The following RABGAP1L variants were observed in gnomAD, a reference collection of about 807,000 sequenced individuals.
RABGAP1L encodes rab GTPase-activating protein 1-like.
In RABGAP1L, 63 loss-of-function variants were observed where a neutral mutation model predicts 137.7. The observed-to-expected ratio is 0.46, with a 90% confidence interval of 0.37 to 0.56. The LOEUF (loss-of-function observed/expected upper bound fraction) is 0.56, where lower values mean the gene tolerates loss of function less well. RABGAP1L is among the 20% of genes least tolerant of loss of function. The probability of loss-of-function intolerance (pLI) is 0.00; values close to 1 mark genes in which losing one functional copy is unlikely to be tolerated. For missense variants in RABGAP1L, 1,095 were observed against 1,244.0 expected, an observed-to-expected ratio of 0.88 and a Z score of 1.80; for synonymous variants, 431 against 433.7, an observed-to-expected ratio of 0.99 and a Z score of 0.08.
chr1:174,905,423 A>G (rs1328597170), intron 19 of RABGAP1L, among the ~76,000 whole-genome samples: 1 of 152,218 alleles, frequency 6.6e-6, no homozygotes, highest in Non-Finnish European at 1.5e-5. Context: ...AGATTGAAAT[A>G]ACAAAAAATT....
Position 174,637,388 on chromosome 1 carries a change from A to T in RABGAP1L, c.1724A>T (p.Glu575Val). 1.2e-6 allele frequency: 2 copies of T among 1,610,264 alleles called. No individual in the cohort carries two copies. Among genetic ancestry groups the T allele is most frequent in the South Asian group, 1.1e-5 (1 of 90,996 alleles). ...TTTCTTTTTTAGGACTCAGCCCAGG[A>T]GAGTGTTATTACTCGAGATATTCAT... Reference protein sequence around the residue: ...RILITKDSAQESVITRDIHRT... With the variant: ...RILITKDSAQVSVITRDIHRT... Residue 575 changes from glutamate to valine, a missense_variant, in exon 14 of 26, where the codon GAG becomes GTG. Transcript: ENST00000681986.
chr1:174,532,077 A>C (rs1664456510), intron 13 of RABGAP1L, among the ~76,000 whole-genome samples: 1 of 152,118 alleles, frequency 6.6e-6, no homozygotes, highest in African/African-American at 2.4e-5. Context: ...ATCTAGTATG[A>C]GTAAGAGAGG....
chr1:174,907,215 A>G (rs1349180067), intron 19 of RABGAP1L, among the ~76,000 whole-genome samples: 1 of 152,220 alleles, frequency 6.6e-6, no homozygotes, highest in Non-Finnish European at 1.5e-5. Flanking sequence ...ATATAAAATC[A>G]GACAACTGAA....
chr1:174,475,443 A>G (rs1442585402), intron 13 of RABGAP1L, among the ~76,000 whole-genome samples: 1 of 152,012 alleles, frequency 6.6e-6, no homozygotes, highest in Admixed American at 6.6e-5. Context: ...TGTTTTGAAA[A>G]CTTTTTTGTT....
chr1:174,590,337 T>C (rs966828512), intron 13 of RABGAP1L, among the ~76,000 whole-genome samples: 1 of 123,744 alleles, frequency 8.1e-6, no homozygotes, highest in African/African-American at 3.4e-5. Context: ...TTTTTTTTTC[T>C]TTTTTTTTTT....
At chr1:174,557,844 TGAGA>T (rs1436610910) in intron 13 of RABGAP1L, among the ~76,000 whole-genome samples, 1 of 152,192 alleles carries the variant, frequency 6.6e-6, no homozygotes, top group Non-Finnish European at 1.5e-5. Context: ...GCTTTTTGAT[TGAGA>T]AAGATGATGC....
chr1:174,629,947 A>G (rs1673219823), intron 13 of RABGAP1L, among the ~76,000 whole-genome samples: 1 of 152,150 alleles, frequency 6.6e-6, no homozygotes, highest in Non-Finnish European at 1.5e-5. Context: ...AGGAGCGGTG[A>G]GAGAGGGCAT....
rs560050400 is a variant in RABGAP1L, at chr1:174,241,260, C to T, written c.543-223C>T. Among the ~76,000 whole-genome samples the T allele has an allele frequency of 2.6e-5, 4 of 152,048 alleles. No individual in the cohort carries two copies. The South Asian group carries it at 8.3e-4, about 32-fold the overall frequency. On this transcript the variant is annotated intron_variant, in intron 4 of 25. Coordinates refer to ENST00000681986, the MANE Select transcript of RABGAP1L (RefSeq NM_001366446.1). ...GCTTGAACTCGGGAGGTGGAGGTTG[C>T]AATGAGCCAAGATGGGGCCACTTCA...
intron 1 of RABGAP1L, among the ~76,000 whole-genome samples, chr1:174,164,005 C>T (rs1165174083): frequency 6.6e-6 from 1 of 152,014 alleles, no homozygotes; most frequent in Admixed American, 6.5e-5. Flanking sequence ...CTCTAATTTT[C>T]TGTGTATCTG....
chr1:174,561,378 G>A (rs372047421), intron 13 of RABGAP1L, among the ~76,000 whole-genome samples: 23 of 152,154 alleles, frequency 1.5e-4, no homozygotes, highest in African/African-American at 5.5e-4. Context: ...CAAATGGAAA[G>A]ACATTCCATG....
chr1:174,827,508 C>T (rs963325829), intron 19 of RABGAP1L, among the ~76,000 whole-genome samples: 2 of 148,882 alleles, frequency 1.3e-5, no homozygotes, highest in Non-Finnish European at 3.0e-5. Flanking sequence ...TAACTGAGTG[C>T]GCATTTCTTC....
chr1:174,173,224 A>G (rs1310836420), intron 1 of RABGAP1L, among the ~76,000 whole-genome samples: 3 of 151,074 alleles, frequency 2.0e-5, no homozygotes, highest in South Asian at 4.2e-4. Context: ...TCTGCCTCCC[A>G]GGTTCCAGTG....
chr1:174,425,338 A>T (rs769250513), intron 13 of RABGAP1L, among the ~76,000 whole-genome samples: 1 of 152,010 alleles, frequency 6.6e-6, no homozygotes, highest in Non-Finnish European at 1.5e-5. Flanking sequence ...TTGCTATTGC[A>T]TGCTTCAGGT....
chr1:174,416,283 A>G (rs1323486583), intron 13 of RABGAP1L, among the ~76,000 whole-genome samples: 1 of 152,046 alleles, frequency 6.6e-6, no homozygotes, highest in African/African-American at 2.4e-5. Context: ...ACTATTATTA[A>G]AAAGGAAACT....
chr1:174,376,614 C>G (rs1293705104), intron 12 of RABGAP1L, among the ~76,000 whole-genome samples: 4 of 152,030 alleles, frequency 2.6e-5, no homozygotes, highest in South Asian at 2.1e-4. Flanking sequence ...TCAATAGATG[C>G]AGAAAAAGCA....
At chr1:174,369,433 C>T (rs372169871) in intron 11 of RABGAP1L, among the ~76,000 whole-genome samples, 3 of 152,158 alleles carry the variant, frequency 2.0e-5, no homozygotes, top group Non-Finnish European at 4.4e-5. Flanking sequence ...TCAGGCCCTC[C>T]TTGGCCTCCC....
At chr1:174,415,224 T>C (rs1650410607) in intron 13 of RABGAP1L, among the ~76,000 whole-genome samples, 1 of 152,164 alleles carries the variant, frequency 6.6e-6, no homozygotes, top group African/African-American at 2.4e-5. Flanking sequence ...ATTAGGATTC[T>C]TTATTCAGTT....
chr1:174,988,745 TGAG>T lies in RABGAP1L; in HGVS notation c.2911_2913del (p.Glu971del). 2 of 1,550,088 alleles carry T rather than the reference TGAG, an allele frequency of 1.3e-6. No individual in the cohort carries two copies. The highest frequency in any genetic ancestry group is 8.7e-7 in the Non-Finnish European group (1 of 1,146,734). ...AGGACCAGGGAATTGAAACAGATGA[TGAG>T]AAGGACTCACTTAAGAAGCAGCTGA... On this transcript the variant is annotated inframe_deletion, in exon 25 of 26. Transcript: ENST00000681986.
chr1:174,518,587 G>T (rs868336791), intron 13 of RABGAP1L, among the ~76,000 whole-genome samples: 22 of 152,196 alleles, frequency 1.4e-4, no homozygotes, highest in South Asian at 2.1e-4. Context: ...ATTATATTCT[G>T]TGTTCATCTC....
Sources: gnomAD v4.1 joint callset for allele counts (sites outside exome capture counted in the v4.1 genomes callset) on GRCh38, gnomAD v4.1.1 for gene constraint, MANE v1.5 for transcripts, NCBI Gene and HGNC (gene_info 2026-07-23, HGNC 2026-07-21) for gene names.